Variants in H6PD observed in about 807,000 individuals in gnomAD.
H6PD encodes hexose-6-phosphate dehydrogenase/glucose 1-dehydrogenase.
In H6PD, 48 loss-of-function variants were observed where a neutral mutation model predicts 61.2. The observed-to-expected ratio is 0.78, with a 90% CI of 0.62 to 1.00. The LOEUF is 1.00. H6PD is among the 50% of genes least tolerant of loss of function. The pLI, the probability that H6PD is intolerant of heterozygous loss-of-function variation, is 0.00. For synonymous variants in H6PD, 480 were observed against 457.9 expected (o/e 1.05, Z -0.62); for missense variants, 1,093 against 1,065.0 (o/e 1.03, Z -0.37).
chr1:9,259,792 G>T (rs575197161), intron 3 of H6PD, among the ~76,000 whole-genome samples: 1 of 151,614 alleles, frequency 6.6e-6, no homozygotes, highest in Admixed American at 6.6e-5. Context: ...CACCAGTGTT[G>T]TTATGTTGCT....
chr1:9,237,376 G>A (rs1640882500), intron 1 of H6PD, among the ~76,000 whole-genome samples: 1 of 151,110 alleles, frequency 6.6e-6, no homozygotes. Context: ...GGGATTACAG[G>A]CACCTGCCAC....
At chr1:9,241,265 A>AC (rs1640989491) in intron 1 of H6PD, among the ~76,000 whole-genome samples, 1 of 84,884 alleles carries the variant, frequency 1.2e-5, no homozygotes. Flanking sequence ...CCCTCCCCCC[A>AC]CCCCCACCTT....
At chr1:9,252,863 G>C (rs563515273) in intron 3 of H6PD, among the ~76,000 whole-genome samples, 3 of 152,278 alleles carry the variant, frequency 2.0e-5, no homozygotes, top group Non-Finnish European at 4.4e-5. Context: ...CTCTGGATGT[G>C]CACAGGTGGG....
chr1:9,246,341 G>A (rs567663141), intron 2 of H6PD, among the ~76,000 whole-genome samples: 2 of 152,346 alleles, frequency 1.3e-5, no homozygotes, highest in African/African-American at 4.8e-5. Flanking sequence ...AGGACCTTAA[G>A]TCCTGGGCAG....
At chr1:9,240,765 G>A (rs901198570) in intron 1 of H6PD, among the ~76,000 whole-genome samples, 3 of 152,188 alleles carry the variant, frequency 2.0e-5, no homozygotes, top group East Asian at 1.9e-4. Context: ...ATGTAATTTC[G>A]GAAGGTTTAT....
In H6PD at chr1:9,264,124, A is replaced by C. The variant is rs1218143499; in HGVS notation, c.1631A>C (p.Gln544Pro). 6.2e-7 allele frequency: 1 copy of C among 1,613,816 alleles called. No homozygotes were observed. The highest frequency in any genetic ancestry group is 1.3e-5 in the African/African-American group (1 of 75,050). Residue 544 changes from glutamine to proline, a missense_variant, in exon 5 of 5, where the codon CAG (glutamine) becomes CCG (proline). Gln to Pro is a moderately conservative substitution (Grantham distance 76). Coordinates refer to ENST00000377403, the MANE Select transcript of H6PD (RefSeq NM_004285.4). ...PGPAPMPSDF[Q>P]VLRAKYRESP... ...CCGGCCCCAATGCCCAGTGACTTCC[A>C]GGTCCTCAGGGCCAAGTACCGAGAG...
At chr1:9,240,414 C>T (rs768025072) in intron 1 of H6PD, among the ~76,000 whole-genome samples, 5 of 152,118 alleles carry the variant, frequency 3.3e-5, no homozygotes, top group East Asian at 1.9e-4. Flanking sequence ...GGGCAGTTCC[C>T]GGATAATAGG....
At chr1:9,237,193 A>G (rs911144626) in intron 1 of H6PD, among the ~76,000 whole-genome samples, 7 of 139,020 alleles carry the variant, frequency 5.0e-5, no homozygotes, top group East Asian at 4.3e-4. Context: ...TTCAAATCCT[A>G]TCACCTCTAG....
chr1:9,260,349 G>T (rs1641683184), intron 3 of H6PD, among the ~76,000 whole-genome samples: 1 of 151,970 alleles, frequency 6.6e-6, no homozygotes, highest in South Asian at 2.1e-4. Context: ...TGTTGCTGTT[G>T]TTACACTGGT....
chr1:9,242,972 G>C, intron 1 of H6PD: 1 of 985,332 alleles, frequency 1.0e-6, no homozygotes, highest in East Asian at 1.1e-4. Context: ...CCTGTGGTCC[G>C]TGTGTGTATT....
intron 3 of H6PD, among the ~76,000 whole-genome samples, chr1:9,253,416 C>T (rs890843066): frequency 6.6e-6 from 1 of 152,134 alleles, no homozygotes; most frequent in African/African-American, 2.4e-5. Context: ...TTCCCTTCAT[C>T]AAAAATTCAT....
chr1:9,262,658 G>A (rs546605336), intron 4 of H6PD, among the ~76,000 whole-genome samples: 3 of 152,306 alleles, frequency 2.0e-5, no homozygotes, highest in South Asian at 4.1e-4. Context: ...CAGTGAGGCC[G>A]CAAGCCTTTT....
chr1:9,240,332 T>C (rs1464360440), intron 1 of H6PD, among the ~76,000 whole-genome samples: 1 of 152,158 alleles, frequency 6.6e-6, no homozygotes, highest in African/African-American at 2.4e-5. Context: ...CTTCATATTT[T>C]AGTTCTCTGT....
chr1:9,244,945 T>C lies in H6PD; in HGVS notation c.11T>C (p.Met4Thr). The C allele has an allele frequency of 6.2e-7, 1 of 1,614,132 alleles. No individual in the cohort carries two copies. The highest frequency in any genetic ancestry group is 2.2e-5 in the East Asian group (1 of 44,890). Reference sequence around the variant, plus strand: ...CCCAGGCACCCAGGCATGTGGAATATGCTCATAGTGGCGATGTGCTTGGCC... The same window carrying C: ...CCCAGGCACCCAGGCATGTGGAATACGCTCATAGTGGCGATGTGCTTGGCC... MWN[M>T]LIVAMCLALL... Residue 4 changes from methionine to threonine, a missense_variant, in exon 2 of 5, where the codon ATG becomes ACG. Coordinates refer to ENST00000377403, the MANE Select transcript of H6PD (RefSeq NM_004285.4).
At chr1:9,255,855 TC>T (rs1641500786) in intron 3 of H6PD, among the ~76,000 whole-genome samples, 2 of 152,172 alleles carry the variant, frequency 1.3e-5, no homozygotes, top group Non-Finnish European at 2.9e-5. Flanking sequence ...TTCCAGAAGC[TC>T]AGCCGGCTTC....
intron 3 of H6PD, among the ~76,000 whole-genome samples, chr1:9,261,736 G>A (rs922721868): frequency 6.6e-6 from 1 of 152,264 alleles, no homozygotes; most frequent in Non-Finnish European, 1.5e-5. Context: ...CAGGCAGGGC[G>A]GGGCGAGGGG....
rs771086344 is a variant in H6PD, at chr1:9,245,061, T to G, written c.127T>G (p.Trp43Gly). ...ATGDLAKKYL[W>G]QGLFQLYLDE... Reference sequence around the variant, plus strand: ...TGGGGACCTGGCTAAGAAGTACTTATGGCAGGGACTGTTCCAGCTGTACCT... The same window carrying G: ...TGGGGACCTGGCTAAGAAGTACTTAGGGCAGGGACTGTTCCAGCTGTACCT... The change falls in exon 2 of 5, where the codon TGG becomes GGG. Residue 43 changes from tryptophan (W) to glycine (G), a missense_variant. Physicochemically the swap from Trp to Gly is radical, Grantham distance 184 (BLOSUM62 -2). Transcript: ENST00000377403. This position sits in a 1 kb window ranked among gnomAD's most constrained non-coding sequence, Gnocchi z 4.8. 4 of 1,614,110 alleles carry G rather than the reference T, an allele frequency of 2.5e-6. No homozygotes were observed. In the African/African-American group the frequency reaches 4.0e-5, roughly 16 times the overall value.
intron 1 of H6PD, among the ~76,000 whole-genome samples, chr1:9,240,764 C>T (rs1041032351): frequency 3.3e-5 from 5 of 152,158 alleles, no homozygotes; most frequent in African/African-American, 9.7e-5. Context: ...TATGTAATTT[C>T]GGAAGGTTTA....
intron 1 of H6PD, among the ~76,000 whole-genome samples, chr1:9,235,709 C>T (rs1228070132): frequency 6.6e-6 from 1 of 152,176 alleles, no homozygotes; most frequent in Non-Finnish European, 1.5e-5. Context: ...CTCTTGGGCT[C>T]AGGCCATCGT....
Sources: gnomAD v4.1 joint callset for allele counts (sites outside exome capture counted in the v4.1 genomes callset) on GRCh38, gnomAD v4.1.1 for gene constraint, Gnocchi (gnomAD v3.1) non-coding constraint, MANE v1.5 for transcripts, NCBI Gene and HGNC (gene_info 2026-07-23, HGNC 2026-07-21) for gene names.